The following CCDC30 variants were observed in gnomAD, a reference collection of about 807,000 sequenced individuals.
The protein encoded by CCDC30 is coiled-coil domain-containing protein 30.
Under a neutral mutation model 100.2 loss-of-function variants are expected in CCDC30, and 70 were observed. The observed-to-expected ratio is 0.70, with a 90% confidence interval of 0.58 to 0.85. The LOEUF (loss-of-function observed/expected upper bound fraction) is 0.85. Ranked by LOEUF, CCDC30 falls within the 40% of genes least tolerant of loss-of-function variation. The pLI is 0.00. For synonymous variants in CCDC30, 233 were observed against 269.5 expected (o/e 0.86, Z 1.33); for missense variants, 652 against 771.2 (o/e 0.85, Z 1.83).
chr1:42,513,395 C>T (rs1442919453), intron 6 of CCDC30, among the ~76,000 whole-genome samples: 1 of 152,022 alleles, frequency 6.6e-6, no homozygotes, highest in Non-Finnish European at 1.5e-5. Flanking sequence ...GGTTTGTCAC[C>T]CCACCCTGAT....
chr1:42,482,326 A>G (rs998408630), intron 2 of CCDC30, among the ~76,000 whole-genome samples: 5 of 152,170 alleles, frequency 3.3e-5, no homozygotes, highest in African/African-American at 1.2e-4. Context: ...AAACTTGTAC[A>G]TGTGTTGGTA....
exon 11 of CCDC30, chr1:42,610,993 C>G: frequency 6.2e-7 from 1 of 1,603,756 alleles, no homozygotes; most frequent in Non-Finnish European, 8.5e-7. Flanking sequence ...CAAAAGCAAC[C>G]AGGAATTGTC....
intron 6 of CCDC30, among the ~76,000 whole-genome samples, chr1:42,541,550 C>T (rs894331019): frequency 2.0e-5 from 3 of 152,186 alleles, no homozygotes; most frequent in African/African-American, 4.8e-5. Flanking sequence ...GGAGACATGA[C>T]ATTTTTGTTC....
At chr1:42,637,378 G>C (rs1647181180) in exon 12 of CCDC30, 1 of 1,604,776 alleles carries the variant, frequency 6.2e-7, no homozygotes, top group South Asian at 1.1e-5. Context: ...AAATAGAAAA[G>C]GTGAGGAAAA....
At chr1:42,599,758 C>A (rs1646365125) in intron 10 of CCDC30, among the ~76,000 whole-genome samples, 1 of 152,128 alleles carries the variant, frequency 6.6e-6, no homozygotes. Flanking sequence ...GTGAGAGTAG[C>A]TAAATTAATT....
At chr1:42,635,263 C>G (rs907273297) in intron 11 of CCDC30, among the ~76,000 whole-genome samples, 2 of 152,016 alleles carry the variant, frequency 1.3e-5, no homozygotes, top group Non-Finnish European at 2.9e-5. Flanking sequence ...CCAGGCTGGT[C>G]TTGAACTCCT....
At chr1:42,460,441 A>C (rs142622030), upstream of CCDC30, 8 of 948,312 alleles carry the variant, frequency 8.4e-6, no homozygotes, top group African/African-American at 1.8e-5. Context: ...GAAATTTATC[A>C]AATATAGTAG....
chr1:42,499,484 AT>A (rs928502865), intron 6 of CCDC30, among the ~76,000 whole-genome samples: 94 of 151,582 alleles, frequency 6.2e-4, no homozygotes, highest in Non-Finnish European at 1.2e-3. Context: ...TTATTATTAT[AT>A]TTTTTTTAGA....
intron 4 of CCDC30, 98 bp downstream of exon 4, chr1:42,490,327 G>A (rs760804069): frequency 8.4e-6 from 4 of 478,876 alleles, no homozygotes; most frequent in Admixed American, 4.5e-5. Flanking sequence ...GGGCCCAGGA[G>A]TTGGAGGTTG....
At chr1:42,462,730 A>G (rs147213443), upstream of CCDC30, among the ~76,000 whole-genome samples, 776 of 152,132 alleles carry the variant, frequency 5.1e-3, 6 homozygotes, top group African/African-American at 0.018. Flanking sequence ...ATAGGTGGGG[A>G]AGATAACGTT....
chr1:42,456,503 G>A, the CCDC30 span: 6 of 1,423,194 alleles, frequency 4.2e-6, no homozygotes, highest in East Asian at 5.3e-5. Flanking sequence ...ACACCAGGTA[G>A]GCGAGAAGGG....
At chr1:42,548,436 A>G (rs1488375872) in intron 6 of CCDC30, among the ~76,000 whole-genome samples, 3 of 152,172 alleles carry the variant, frequency 2.0e-5, no homozygotes, top group African/African-American at 7.2e-5. Flanking sequence ...TTTTATTTAG[A>G]CAGTGATTGA....
At chr1:42,552,479 G>A (rs569762891) in intron 6 of CCDC30, among the ~76,000 whole-genome samples, 1 of 152,120 alleles carries the variant, frequency 6.6e-6, no homozygotes, top group Non-Finnish European at 1.5e-5. Flanking sequence ...GTTAAGTCTG[G>A]TCTTTATAAA....
intron 3 of CCDC30, chr1:42,489,953 A>C (rs1445323874): frequency 3.5e-6 from 1 of 282,186 alleles, no homozygotes; most frequent in South Asian, 1.7e-4. Flanking sequence ...AGATCAGATA[A>C]TCAGGGATAG....
intron 15 of CCDC30, among the ~76,000 whole-genome samples, chr1:42,647,715 G>T (rs889023637): frequency 2.0e-5 from 3 of 152,140 alleles, no homozygotes; most frequent in African/African-American, 7.2e-5. Context: ...CAGAAATTGT[G>T]TCAAGTATCT....
chr1:42,626,252 G>T (rs552639093), intron 11 of CCDC30, among the ~76,000 whole-genome samples: 222 of 151,876 alleles, frequency 1.5e-3, no homozygotes, highest in Non-Finnish European at 2.2e-3. Context: ...ATCTTTATAG[G>T]TAAAATGTCC....
intron 6 of CCDC30, among the ~76,000 whole-genome samples, chr1:42,503,791 T>G (rs928154207): frequency 4.6e-5 from 7 of 152,196 alleles, no homozygotes; most frequent in African/African-American, 1.7e-4. Flanking sequence ...TTCCTTACCC[T>G]CACTATCTGC....
At chr1:42,480,013 C>G (rs545747610) in intron 1 of CCDC30, among the ~76,000 whole-genome samples, 1 of 152,130 alleles carries the variant, frequency 6.6e-6, no homozygotes, top group Non-Finnish European at 1.5e-5. Context: ...ATCTCTGGTG[C>G]GAGCCGAGTA....
intron 15 of CCDC30, among the ~76,000 whole-genome samples, chr1:42,650,204 TG>T (rs139975041): frequency 0.014 from 2,166 of 152,166 alleles, 60 homozygotes; most frequent in African/African-American, 0.049. Context: ...TATTACAGGT[TG>T]GGCACGGTGG....
Sources: allele counts gnomAD v4.1 joint callset (sites outside exome capture counted in the v4.1 genomes callset), GRCh38; gene constraint gnomAD v4.1.1; transcripts MANE v1.5; gene names NCBI Gene and HGNC (gene_info 2026-07-23, HGNC 2026-07-21).